Variants in GNB1L observed in about 807,000 individuals in gnomAD.
GNB1L encodes G protein subunit beta 1 like.
Under a neutral mutation model 29.1 loss-of-function variants are expected in GNB1L, and 20 were observed. That is an observed-to-expected ratio of 0.69 (90% CI 0.48 to 1.00). GNB1L has a LOEUF of 1.00. Ranked by LOEUF, GNB1L falls within the 50% of genes least tolerant of loss-of-function variation. The probability of loss-of-function intolerance (pLI) is 0.00; values close to 1 mark genes in which losing one functional copy is unlikely to be tolerated. For synonymous variants in GNB1L, 193 were observed against 206.5 expected, an observed-to-expected ratio of 0.93 and a Z score of 0.56; for missense variants, 421 against 464.9, an observed-to-expected ratio of 0.91 and a Z score of 0.87.
At chr22:19,819,036 A>T (rs1257244159) in intron 4 of GNB1L, among the ~76,000 whole-genome samples, 5 of 151,744 alleles carry the variant, frequency 3.3e-5, no homozygotes, top group Non-Finnish European at 7.4e-5. Context: ...CAGCCCCATC[A>T]CCTCCACAAG....
intron 4 of GNB1L, among the ~76,000 whole-genome samples, chr22:19,815,529 G>T (rs146736488): frequency 5.0e-4 from 76 of 152,326 alleles, no homozygotes; most frequent in African/African-American, 1.7e-3. Flanking sequence ...CATATGGAGG[G>T]CACCCATGTA....
chr22:19,848,794 G>A lies in GNB1L; in HGVS notation c.-21+5649C>T, dbSNP rs561900525. The A allele has an allele frequency of 8.1e-6, 8 of 985,460 alleles. No individual in the cohort carries two copies. In the African/African-American group the frequency reaches 1.4e-4, roughly 17 times the overall value. The allele number at this position is 985,460 out of a possible 1,614,324, so 61.0% of individuals were successfully genotyped here. Reference sequence around the variant, plus strand: ...AGCCCCAAAGCCCCAATAGGACAGGGTTCAAAAGAGAAGGCAGCAATCCCA... The same window carrying A: ...AGCCCCAAAGCCCCAATAGGACAGGATTCAAAAGAGAAGGCAGCAATCCCA... On this transcript the variant is annotated intron_variant, in intron 2 of 7. Coordinates refer to ENST00000329517, the MANE Select transcript of GNB1L (RefSeq NM_053004.3).
chr22:19,837,263 G>A (rs1412767456), intron 2 of GNB1L, among the ~76,000 whole-genome samples: 1 of 152,148 alleles, frequency 6.6e-6, no homozygotes, highest in Non-Finnish European at 1.5e-5. Context: ...ACCACGCCCG[G>A]CCTGAAAAGA....
In GNB1L at chr22:19,820,043, C is replaced by T. The variant is rs118112010; in HGVS notation, c.254+555G>A. On this transcript the variant is annotated intron_variant, in intron 4 of 7. Transcript: ENST00000329517. ...TGTCATAACCTAGTGAAGGGACACACACGGCCAGGGCTCAGCTGCCGGAAC... is the reference window on the plus strand; with the variant it reads ...TGTCATAACCTAGTGAAGGGACACATACGGCCAGGGCTCAGCTGCCGGAAC... Among the ~76,000 whole-genome samples the T allele has an allele frequency of 1.4e-3, 218 of 152,238 alleles. 4 individuals are homozygous for T. In the East Asian group the frequency reaches 0.036, roughly 25 times the overall value.
At chr22:19,817,902 C>A (rs529543433) in intron 4 of GNB1L, among the ~76,000 whole-genome samples, 124 of 152,358 alleles carry the variant, frequency 8.1e-4, no homozygotes, top group African/African-American at 2.7e-3. Flanking sequence ...GATTAAAAAA[C>A]ACCCTGCCGA....
rs557618561 is a variant in GNB1L, at chr22:19,849,526, A to G, written c.-21+4917T>C. On this transcript the variant is annotated intron_variant, in intron 2 of 7. Coordinates refer to ENST00000329517, the MANE Select transcript of GNB1L (RefSeq NM_053004.3). ...TGAGATTACAGGCATGCACCACCAC[A>G]CTTGGCTAATTTTGTATTTTTAGGA... The G allele has an allele frequency of 1.3e-4, 41 of 311,210 alleles. 1 individual carries two copies. In the South Asian group the frequency reaches 4.0e-3, roughly 31 times the overall value. 19.3% of individuals were successfully genotyped at this position (311,210 alleles called of 1,614,324 possible).
At chr22:19,851,288 T>C (rs1179946801) in intron 2 of GNB1L, 4 of 1,613,738 alleles carry the variant, frequency 2.5e-6, no homozygotes, top group African/African-American at 1.3e-5. Flanking sequence ...CTCTGTTTTC[T>C]GGGGTTTTGG....
intron 5 of GNB1L, among the ~76,000 whole-genome samples, chr22:19,811,296 C>T (rs1261850880): frequency 2.0e-5 from 3 of 152,202 alleles, no homozygotes; most frequent in Non-Finnish European, 2.9e-5. Context: ...TGCCCAGTAC[C>T]AGCCCCAAAG....
At chr22:19,836,157 C>G (rs1367140487) in intron 2 of GNB1L, among the ~76,000 whole-genome samples, 1 of 152,064 alleles carries the variant, frequency 6.6e-6, no homozygotes, top group African/African-American at 2.4e-5. Context: ...AAATCTCTAG[C>G]TGAACTGACA....
At chr22:19,850,956 G>A (rs564493160) in intron 2 of GNB1L, 685 of 1,375,468 alleles carry the variant, frequency 5.0e-4, no homozygotes, top group Non-Finnish European at 6.2e-4. Flanking sequence ...GCCAGCAGCA[G>A]GGAAAGGGCA....
intron 4 of GNB1L, among the ~76,000 whole-genome samples, chr22:19,820,091 C>T (rs1224729337): frequency 2.0e-5 from 3 of 152,136 alleles, no homozygotes; most frequent in Non-Finnish European, 4.4e-5. Context: ...GGGCCTCCAC[C>T]GGCACCGTGT....
intron 2 of GNB1L, chr22:19,847,018 T>C (rs1693973431): frequency 6.1e-6 from 6 of 985,382 alleles, no homozygotes; most frequent in African/African-American, 1.7e-5. Context: ...TTCTCCATAC[T>C]GAGCACCCCA....
chr22:19,822,137 A>G (rs1485398738), intron 2 of GNB1L, among the ~76,000 whole-genome samples: 2 of 152,082 alleles, frequency 1.3e-5, no homozygotes, highest in East Asian at 1.9e-4. Context: ...TCACCACCCT[A>G]TAAGGCGGCA....
intron 2 of GNB1L, among the ~76,000 whole-genome samples, chr22:19,829,506 A>C (rs776856608): frequency 6.6e-6 from 1 of 152,190 alleles, no homozygotes; most frequent in Non-Finnish European, 1.5e-5. Context: ...AAAATGAAAA[A>C]TACTACGTAC....
chr22:19,853,792 C>T (rs982037108), intron 2 of GNB1L, among the ~76,000 whole-genome samples: 2 of 152,166 alleles, frequency 1.3e-5, no homozygotes, highest in Non-Finnish European at 2.9e-5. Flanking sequence ...TATACTAAGG[C>T]CTGGACGTGA....
rs1937202622 is a variant in GNB1L at position 19,787,591 on chromosome 22, A to AG, written c.*1117dup. On this transcript the variant is annotated 3_prime_UTR_variant, in exon 8 of 8. Coordinates refer to ENST00000329517, the MANE Select transcript of GNB1L (RefSeq NM_053004.3). ...TGGACTCGAGTCTAGTTCTAGGACTAGAAGCCCAGGTGGGGGTCCCAAGGA... is the reference window on the plus strand; with the variant it reads ...TGGACTCGAGTCTAGTTCTAGGACTAGGAAGCCCAGGTGGGGGTCCCAAGGA... 6.6e-6 allele frequency: 1 copy of AG among 152,330 alleles called. No homozygotes were observed. Among genetic ancestry groups the AG allele is most frequent in the Non-Finnish European group, 1.5e-5 (1 of 68,112 alleles). The allele number at this position is 152,330 out of a possible 1,614,324, so 9.4% of individuals were successfully genotyped here.
At position 19,849,027 on chromosome 22, in the gene GNB1L, G is replaced by A. The variant is rs924817202; in HGVS notation, c.-21+5416C>T. ...GAGCAGTCTGACCCAACCCACAAAA[G>A]GGGGGATGGGGCCTGAGTCATCGGA... On this transcript the variant is annotated intron_variant, in intron 2 of 7. Transcript: ENST00000329517. The A allele has an allele frequency of 1.2e-5, 12 of 985,204 alleles. No individual in the cohort carries two copies. In the African/African-American group the frequency reaches 1.7e-4, roughly 14 times the overall value. The allele number at this position is 985,204 out of a possible 1,614,324, so 61.0% of individuals were successfully genotyped here.
At chr22:19,821,509 G>A (rs1424742139) in intron 2 of GNB1L, 134 bp from the exon 3 acceptor site, 5 of 850,098 alleles carry the variant, frequency 5.9e-6, no homozygotes, top group Non-Finnish European at 7.2e-6. Context: ...CTGGGAGAGA[G>A]GTGCCACTGC....
rs1430664390 is a variant in GNB1L, at chr22:19,802,179, T to C, written c.554A>G (p.Tyr185Cys). 1.9e-6 allele frequency: 3 copies of C among 1,613,016 alleles called. No individual in the cohort carries two copies. Among genetic ancestry groups the C allele is most frequent in the African/African-American group, 1.3e-5 (1 of 74,934 alleles). The change falls in exon 7 of 8, where the codon TAT becomes TGT. Residue 185 changes from tyrosine to cysteine, a missense_variant. Transcript: ENST00000329517. Reference sequence around the variant, plus strand: ...CCACAGGACCACCGATCCATCCTCATAGCCGGCCAGAAGGAGTGGGCGGGA... The same window carrying C: ...CCACAGGACCACCGATCCATCCTCACAGCCGGCCAGAAGGAGTGGGCGGGA... The part of the protein sequence containing the change: ...CSSRPLLLAG[Y>C]EDGSVVLWDV...
Sources: gnomAD v4.1 joint callset for allele counts (sites outside exome capture counted in the v4.1 genomes callset) on GRCh38, gnomAD v4.1.1 for gene constraint, MANE v1.5 for transcripts, NCBI Gene and HGNC (gene_info 2026-07-23, HGNC 2026-07-21) for gene names.